Variants in USF2 observed in about 807,000 individuals in gnomAD.
USF2 encodes the protein upstream stimulatory factor 2.
A neutral mutation model predicts 46.9 loss-of-function variants in USF2; 16 were observed. That is an observed-to-expected ratio of 0.34 (90% CI 0.23 to 0.52). The LOEUF (loss-of-function observed/expected upper bound fraction) is 0.52, where lower values mean the gene tolerates loss of function less well. Among genes scored for constraint, USF2 ranks in the 20% least tolerant of loss-of-function variants. The pLI, the probability that USF2 is intolerant of heterozygous loss-of-function variation, is 0.96. For synonymous variants in USF2, 239 were observed against 194.1 expected (o/e 1.23, Z -1.92); for missense variants, 411 against 474.0 (o/e 0.87, Z 1.23).
Position 35,279,248 on chromosome 19 carries a change from C to A in USF2, c.1033C>A (p.Arg345=). Residue 345 remains arginine (R), a synonymous_variant, in exon 10 of 10, where the codon CGG becomes AGG. Transcript: ENST00000222305. ...CCTGGAGATGGTGGGCGAGGGCACC[C>A]GGCAGTGACGCCCGCCACCACCACG... ...HNLEMVGEGT[R]Q The A allele has an allele frequency of 6.5e-7, 1 of 1,529,578 alleles. No individual in the cohort carries two copies. Among genetic ancestry groups the A allele is most frequent in the East Asian group, 2.4e-5 (1 of 41,262 alleles). The allele number at this position is 1,529,578 out of a possible 1,614,324, so 94.8% of individuals were successfully genotyped here.
intron 7 of USF2, chr19:35,278,326 C>T (rs947788291): frequency 1.3e-5 from 3 of 236,106 alleles, no homozygotes; most frequent in South Asian, 5.2e-5. Context: ...CCCACTGTGA[C>T]CAGAGCTCCA....
At position 35,279,184 on chromosome 19, in the gene USF2, T is replaced by C; in HGVS notation, c.969T>C (p.Asn323=). 6.2e-7 allele frequency: 1 copy of C among 1,607,134 alleles called. No homozygotes were observed. Among genetic ancestry groups the C allele is most frequent in the East Asian group, 2.2e-5 (1 of 44,546 alleles). Residue 323 remains asparagine, a synonymous_variant, in exon 10 of 10, where the codon AAT becomes AAC. Coordinates refer to ENST00000222305, the MANE Select transcript of USF2 (RefSeq NM_003367.4). The stretch of plus-strand genomic sequence containing the variant: ...TCCGCCAGATCGAGGAGCTGAAGAA[T>C]GAGAACGCCCTGCTTCGAGCCCAGC... The part of the protein sequence containing the change: ...LLRQQIEELK[N]ENALLRAQLQ...
rs1246753337 is a variant in USF2 at position 35,269,832 on chromosome 19, T to G, written c.258T>G (p.Asp86Glu). ...QVTYRVVQVT[D>E]GQLDGQGDTA... Reference sequence around the variant, plus strand: ...CATACCGCGTAGTCCAGGTGACTGATGGTCAGCTGGACGGCCAGGGCGACA... The same window carrying G: ...CATACCGCGTAGTCCAGGTGACTGAGGGTCAGCTGGACGGCCAGGGCGACA... Residue 86 changes from aspartate to glutamate, a missense_variant, in exon 4 of 10, where the codon GAT (aspartate) becomes GAG (glutamate). Physicochemically the swap from Asp to Glu is conservative, Grantham distance 45. Coordinates refer to ENST00000222305, the MANE Select transcript of USF2 (RefSeq NM_003367.4). The G allele has an allele frequency of 2.7e-6, 4 of 1,454,554 alleles. No individual in the cohort carries two copies. Among genetic ancestry groups the G allele is most frequent in the Non-Finnish European group, 3.6e-6 (4 of 1,112,136 alleles). The allele number at this position is 1,454,554 out of a possible 1,614,324, so 90.1% of individuals were successfully genotyped here. A position where few individuals can be genotyped will look rare whatever the true frequency, so the allele number is the denominator to read the frequency against.
chr19:35,278,530 G>C, intron 7 of USF2, 168 bp from the exon 8 acceptor site: 1 of 676,950 alleles, frequency 1.5e-6, no homozygotes, highest in Non-Finnish European at 2.6e-6. Flanking sequence ...AGAAGCTGGG[G>C]TGGGGGCCGG....
rs139781881 is a variant in USF2, at chr19:35,270,796, C to T, written c.659C>T (p.Pro220Leu). Residue 220 changes from proline (P) to leucine (L), a missense_variant, in exon 6 of 10, where the codon CCT becomes CTT. Coordinates refer to ENST00000222305, the MANE Select transcript of USF2 (RefSeq NM_003367.4). ...AGGACGATCGCCCCCCGGACACACC[C>T]TTACTCTCCGTATGTGCAGGGGACA... Reference protein sequence around the residue: ...TQRTIAPRTHPYSPKIDGTRT... With the variant: ...TQRTIAPRTHLYSPKIDGTRT... The T allele has an allele frequency of 9.3e-6, 15 of 1,614,024 alleles. No individual in the cohort carries two copies. The African/African-American group carries it at 9.3e-5, about 10-fold the overall frequency.
At chr19:35,270,029 G>A (rs926024513) in intron 4 of USF2, 26 bp downstream of exon 4, 48 of 1,309,314 alleles carry the variant, frequency 3.7e-5, no homozygotes, top group South Asian at 9.8e-5. Flanking sequence ...CCCCTGGGTG[G>A]GGGGGGGAGG....
At chr19:35,276,923 C>G (rs1364442150) in intron 7 of USF2, 1 of 152,364 alleles carries the variant, frequency 6.6e-6, no homozygotes, top group African/African-American at 2.4e-5. Flanking sequence ...GAGGGCCTGG[C>G]ACATAGTAGG....
rs779170568 is a variant in USF2 at position 35,278,762 on chromosome 19, C to G, written c.792C>G (p.Asp264Glu). 4.3e-6 allele frequency: 7 copies of G among 1,614,148 alleles called. No homozygotes were observed. The South Asian group carries it at 7.7e-5, about 18-fold the overall frequency. The change falls in exon 8 of 10, where the codon GAC becomes GAG. Residue 264 changes from aspartate (D) to glutamate (E), a missense_variant. Transcript: ENST00000222305. Reference protein sequence around the residue: ...WIVQLSKIIPDCNADNSKTGA... With the variant: ...WIVQLSKIIPECNADNSKTGA... ...TCCAGCTTTCGAAAATCATTCCAGA[C>G]TGTAACGCAGACAACAGCAAGACGG...
chr19:35,273,000 T>C (rs2066179543), intron 7 of USF2, among the ~76,000 whole-genome samples: 1 of 151,904 alleles, frequency 6.6e-6, no homozygotes, highest in Non-Finnish European at 1.5e-5. Flanking sequence ...GGGGATGCAG[T>C]GAGTCTTGGT....
intron 4 of USF2, 83 bp from the exon 5 acceptor site, chr19:35,270,364 A>C: frequency 6.5e-7 from 1 of 1,542,586 alleles, no homozygotes; most frequent in South Asian, 1.2e-5. Flanking sequence ...CAGAGAATGC[A>C]GTAAACCCCA....
At position 35,279,415 on chromosome 19, in the gene USF2, A is replaced by G; in HGVS notation, c.*159A>G. 1.3e-6 allele frequency: 1 copy of G among 793,210 alleles called. No homozygotes were observed. Among genetic ancestry groups the G allele is most frequent in the Non-Finnish European group, 1.9e-6 (1 of 536,942 alleles). 49.1% of individuals were successfully genotyped at this position (793,210 alleles called of 1,614,324 possible). On this transcript the variant is annotated 3_prime_UTR_variant, in exon 10 of 10. Transcript: ENST00000222305. ...GGGGAGAAATAATGCATTTCTGTGGATACAGTGCCCACCGCCCTCCTCCAC... is the reference window on the plus strand; with the variant it reads ...GGGGAGAAATAATGCATTTCTGTGGGTACAGTGCCCACCGCCCTCCTCCAC...
chr19:35,272,655 G>A (rs2066173760), intron 7 of USF2, among the ~76,000 whole-genome samples: 1 of 152,132 alleles, frequency 6.6e-6, no homozygotes, highest in African/African-American at 2.4e-5. Flanking sequence ...CAGCAGAGGG[G>A]TTTGGGTTGT....
chr19:35,279,169 C>A lies in USF2; in HGVS notation c.954C>A (p.Ile318=). 6.2e-7 allele frequency: 1 copy of A among 1,608,946 alleles called. No homozygotes were observed. Among genetic ancestry groups the A allele is most frequent in the Non-Finnish European group, 8.5e-7 (1 of 1,177,940 alleles). ...TTGACCTCCGTCGTGTCCGCCAGAT[C>A]GAGGAGCTGAAGAATGAGAACGCCC... The part of the protein sequence containing the change: ...QMDNELLRQQ[I]EELKNENALL... Residue 318 remains isoleucine, a splice_region_variant and synonymous_variant, in exon 10 of 10, where the codon ATC becomes ATA. Coordinates refer to ENST00000222305, the MANE Select transcript of USF2 (RefSeq NM_003367.4).
At chr19:35,270,120 G>T in intron 4 of USF2, 117 bp downstream of exon 4, 1 of 1,179,008 alleles carries the variant, frequency 8.5e-7, no homozygotes, top group Non-Finnish European at 1.1e-6. Flanking sequence ...CTGCCTTCAG[G>T]CCTCAGGCTG....
At position 35,269,901 on chromosome 19, in the gene USF2, G is replaced by A. The variant is rs2066123072; in HGVS notation, c.327G>A (p.Gly109=). Residue 109 remains glycine (G), a synonymous_variant, in exon 4 of 10, where the codon GGG becomes GGA. Coordinates refer to ENST00000222305, the MANE Select transcript of USF2 (RefSeq NM_003367.4). ...VSVVSTAAFA[G]GQQAVTQVGV... ...TCGTGTCCACCGCTGCCTTCGCGGG[G>A]GGGCAGCAGGCTGTGACCCAGGTGG... 1.4e-6 allele frequency: 2 copies of A among 1,388,516 alleles called. No individual in the cohort carries two copies. The highest frequency in any genetic ancestry group is 1.5e-5 in the African/African-American group (1 of 65,618). 86.0% of individuals were successfully genotyped at this position (1,388,516 alleles called of 1,614,324 possible). A position where few individuals can be genotyped will look rare whatever the true frequency, so the allele number is the denominator to read the frequency against.
chr19:35,278,833 C>G (rs774256306), intron 8 of USF2, 41 bp downstream of exon 8: 4 of 1,612,030 alleles, frequency 2.5e-6, no homozygotes, highest in Non-Finnish European at 3.4e-6. Flanking sequence ...TGGTCCCGGC[C>G]CCCGACCCTT....
rs748990835 is a variant in USF2 at position 35,269,630 on chromosome 19, C to T, written c.159C>T (p.Ser53=). Residue 53 remains serine (S), a synonymous_variant, in exon 3 of 10, where the codon AGC becomes AGT. Coordinates refer to ENST00000222305, the MANE Select transcript of USF2 (RefSeq NM_003367.4). ...AGCAGACAGCGGTGGCCATCACCAG[C>T]GTCCAGCAGGCGGCGTTCGGCGACC... The part of the protein sequence containing the change: ...AEEQTAVAIT[S]VQQAAFGDHN... 6.3e-7 allele frequency: 1 copy of T among 1,597,230 alleles called. No homozygotes were observed. Among genetic ancestry groups the T allele is most frequent in the South Asian group, 1.1e-5 (1 of 89,146 alleles).
At chr19:35,277,765 TG>T (rs2066254533) in intron 7 of USF2, 1 of 152,346 alleles carries the variant, frequency 6.6e-6, no homozygotes, top group African/African-American at 2.4e-5. Flanking sequence ...CGTTCTTTCC[TG>T]TCCCCACGGT....
chr19:35,270,895 G>A, intron 6 of USF2, 90 bp downstream of exon 6: 1 of 1,519,058 alleles, frequency 6.6e-7, no homozygotes. Context: ...GCATGAAGTG[G>A]GCACATGGTG....
Sources: allele counts gnomAD v4.1 joint callset (sites outside exome capture counted in the v4.1 genomes callset), GRCh38; gene constraint gnomAD v4.1.1; transcripts MANE v1.5; gene names NCBI Gene and HGNC (gene_info 2026-07-23, HGNC 2026-07-21).